Variants in BRK1 observed in about 807,000 individuals in gnomAD.
BRK1 encodes the protein protein BRICK1.
Under a neutral mutation model 9.9 loss-of-function variants are expected in BRK1, and 6 were observed. The observed-to-expected ratio is 0.60, with a 90% CI of 0.33 to 1.19. The LOEUF (loss-of-function observed/expected upper bound fraction) is 1.19. BRK1 is among the 50% of genes most tolerant of loss of function. BRK1 has a pLI of 0.04. For missense variants in BRK1, 62 were observed against 97.5 expected (o/e 0.64, Z 1.53); for synonymous variants, 44 against 31.9 (o/e 1.38, Z -1.28).
In BRK1 at chr3:10,115,681, G is replaced by A. The variant is rs376920798; in HGVS notation, c.-21G>A. The A allele has an allele frequency of 4.4e-6, 7 of 1,602,352 alleles. No individual in the cohort carries two copies. The highest frequency in any genetic ancestry group is 6.0e-6 in the Non-Finnish European group (7 of 1,169,510). ...GTAGGGTCGGGGCGCCTGCGCAGTC[G>A]CTCTTCCTCAGGCGGCGGCCATGGC... On this transcript the variant is annotated 5_prime_UTR_variant, in exon 1 of 3. Coordinates refer to ENST00000530758, the MANE Select transcript of BRK1 (RefSeq NM_018462.5).
chr3:10,116,161 C>T lies in BRK1; in HGVS notation c.118+342C>T, dbSNP rs73117474. Among the ~76,000 whole-genome samples, 1,119 of 152,268 alleles carry T rather than the reference C, an allele frequency of 7.3e-3. 21 individuals are homozygous for T. Among genetic ancestry groups the T allele is most frequent in the African/African-American group, 0.026 (1,061 of 41,552 alleles). The stretch of plus-strand genomic sequence containing the variant: ...CCTCCTTTGTACTCTGCATCCATTC[C>T]GGTCCCCACTTTGCACTCAAAGTGA... On this transcript the variant is annotated intron_variant, in intron 1 of 2. Transcript: ENST00000530758.
At chr3:10,124,791 C>T (rs1431014046) in intron 1 of BRK1, among the ~76,000 whole-genome samples, 3 of 152,188 alleles carry the variant, frequency 2.0e-5, no homozygotes, top group African/African-American at 7.2e-5. Context: ...TTGTTGCTGG[C>T]TGTGAGCTGA....
intron 1 of BRK1, among the ~76,000 whole-genome samples, chr3:10,118,763 C>T (rs1695718823): frequency 6.6e-6 from 1 of 152,196 alleles, no homozygotes. Flanking sequence ...GCTGGGATTA[C>T]AGGCATGAGC....
At chr3:10,124,161 T>C (rs68121641) in intron 1 of BRK1, among the ~76,000 whole-genome samples, 11 of 151,836 alleles carry the variant, frequency 7.2e-5, no homozygotes, top group Admixed American at 1.3e-4. Flanking sequence ...TGGCATAACA[T>C]ATTACCACAC....
intron 1 of BRK1, among the ~76,000 whole-genome samples, chr3:10,116,304 C>T (rs1305698512): frequency 1.3e-5 from 2 of 152,004 alleles, no homozygotes; most frequent in African/African-American, 2.4e-5. Context: ...CAACCACTCC[C>T]GTCTTGTCCA....
At chr3:10,119,994 T>G (rs895246929) in intron 1 of BRK1, among the ~76,000 whole-genome samples, 6 of 152,040 alleles carry the variant, frequency 3.9e-5, no homozygotes, top group Non-Finnish European at 5.9e-5. Context: ...GCTGGAAAAG[T>G]AAGACTTAAC....
intron 1 of BRK1, among the ~76,000 whole-genome samples, 155 bp downstream of exon 1, chr3:10,115,974 G>A (rs1695679667): frequency 6.6e-6 from 1 of 152,028 alleles, no homozygotes; most frequent in Non-Finnish European, 1.5e-5. Context: ...CTCCCGCCCT[G>A]ACCCTCAGGC....
At chr3:10,125,739 A>G in intron 2 of BRK1, 31 bp downstream of exon 2, 1 of 1,455,828 alleles carries the variant, frequency 6.9e-7, no homozygotes, top group Non-Finnish European at 9.6e-7. Context: ...CATTCCAGAG[A>G]GAATGCACAT....
At chr3:10,125,817 A>G in intron 2 of BRK1, 109 bp downstream of exon 2, 1 of 766,126 alleles carries the variant, frequency 1.3e-6, no homozygotes, top group Non-Finnish European at 2.1e-6. Flanking sequence ...CTGGCCGGAC[A>G]TGGTGGCTCA....
At chr3:10,121,712 C>T (rs943172199) in intron 1 of BRK1, among the ~76,000 whole-genome samples, 1 of 151,282 alleles carries the variant, frequency 6.6e-6, no homozygotes, top group South Asian at 2.1e-4. Context: ...GAATATTTTC[C>T]TATTTCATTA....
chr3:10,122,675 T>C (rs546028942), intron 1 of BRK1, among the ~76,000 whole-genome samples: 5 of 152,202 alleles, frequency 3.3e-5, no homozygotes, highest in African/African-American at 1.2e-4. Context: ...AAGCTATGAT[T>C]GCAACACTGA....
intron 1 of BRK1, among the ~76,000 whole-genome samples, chr3:10,118,036 A>G (rs183823120): frequency 1.3e-5 from 2 of 152,210 alleles, no homozygotes; most frequent in African/African-American, 4.8e-5. Context: ...CGAGCAGATC[A>G]CCTGAGGTCG....
chr3:10,126,375 T>C lies in BRK1; in HGVS notation c.*80T>C. ...AAAGGCCCCAGCAGCCTTCAGCTCC[T>C]TCCTTTCTCCTTAAAGAGCAACAGG... On this transcript the variant is annotated 3_prime_UTR_variant, in exon 3 of 3. Transcript: ENST00000530758. 7.9e-7 allele frequency: 1 copy of C among 1,263,704 alleles called. No individual in the cohort carries two copies. Among genetic ancestry groups the C allele is most frequent in the Non-Finnish European group, 1.1e-6 (1 of 902,274 alleles). 78.3% of individuals were successfully genotyped at this position (1,263,704 alleles called of 1,614,324 possible). A position where few individuals can be genotyped will look rare whatever the true frequency, so the allele number is the denominator to read the frequency against.
intron 2 of BRK1, 24 bp downstream of exon 2, chr3:10,125,732 TC>T: frequency 6.6e-7 from 1 of 1,525,444 alleles, no homozygotes; most frequent in Middle Eastern, 1.7e-4. Context: ...GCAAGGGCAT[TC>T]CAGAGAGAAT....
intron 1 of BRK1, among the ~76,000 whole-genome samples, chr3:10,119,293 TA>T (rs1412749275): frequency 6.6e-6 from 1 of 151,800 alleles, no homozygotes; most frequent in Non-Finnish European, 1.5e-5. Flanking sequence ...CCCATCTCTA[TA>T]AAAAATACAA....
chr3:10,120,747 A>G (rs1021832044), intron 1 of BRK1, among the ~76,000 whole-genome samples: 3 of 152,114 alleles, frequency 2.0e-5, no homozygotes, highest in East Asian at 1.9e-4. Flanking sequence ...AACATTTTCT[A>G]TTTCTCAACA....
Position 10,126,188 on chromosome 3 carries a change from C to T in BRK1, c.202-81C>T, listed in dbSNP as rs551136546. The T allele has an allele frequency of 5.6e-5, 55 of 981,994 alleles. 1 individual carries two copies. The South Asian group carries it at 1.0e-3, about 18-fold the overall frequency. The allele number at this position is 981,994 out of a possible 1,614,324, so 60.8% of individuals were successfully genotyped here. ...TCTTCTTTTCTGCTATTTCTCACTG[C>T]CTAGGATCTAAAGATTTTTTTTTAG... On this transcript the variant is annotated intron_variant, in intron 2 of 2. Transcript: ENST00000530758.
Position 10,126,979 on chromosome 3 carries a change from A to G in BRK1, c.*684A>G, listed in dbSNP as rs1273623509. On this transcript the variant is annotated 3_prime_UTR_variant, in exon 3 of 3. Transcript: ENST00000530758. ...AGAGATGGGTTCACTTATTGCACAG[A>G]AATGTAATACATGGCGTTATTATTC... 1.3e-5 allele frequency: 2 copies of G among 152,680 alleles called. No individual in the cohort carries two copies. Among genetic ancestry groups the G allele is most frequent in the Non-Finnish European group, 2.9e-5 (2 of 68,046 alleles). The allele number at this position is 152,680 out of a possible 1,614,324, so 9.5% of individuals were successfully genotyped here.
At chr3:10,121,888 T>C (rs1057499698) in intron 1 of BRK1, among the ~76,000 whole-genome samples, 3 of 140,968 alleles carry the variant, frequency 2.1e-5, no homozygotes, top group Non-Finnish European at 3.1e-5. Context: ...GCCACTTTTT[T>C]TTTTTTTTTT....
Sources: gnomAD v4.1 joint callset for allele counts (sites outside exome capture counted in the v4.1 genomes callset) on GRCh38, gnomAD v4.1.1 for gene constraint, MANE v1.5 for transcripts, NCBI Gene and HGNC (gene_info 2026-07-23, HGNC 2026-07-21) for gene names.